NRSN1: variants seen among roughly 807,000 people sequenced by gnomAD.
NRSN1 encodes neurensin 1.
A neutral mutation model predicts 17.3 loss-of-function variants in NRSN1; 14 were observed. The ratio of observed to expected loss-of-function variants is 0.81; its 90% CI spans 0.54 to 1.27. NRSN1 has a LOEUF of 1.27. NRSN1 is among the 50% of genes most tolerant of loss of function. The pLI, the probability that NRSN1 is intolerant of heterozygous loss-of-function variation, is 0.00. For synonymous variants in NRSN1, 79 were observed against 94.2 expected (o/e 0.84, Z 0.93); for missense variants, 209 against 235.9 (o/e 0.89, Z 0.75).
At chr6:24,137,295 C>A (rs138173415) in intron 3 of NRSN1, among the ~76,000 whole-genome samples, 1 of 152,308 alleles carries the variant, frequency 6.6e-6, no homozygotes, top group East Asian at 1.9e-4. Flanking sequence ...ATCTGCATAA[C>A]ATCTATTTCA....
At chr6:24,142,475 C>T (rs1225663592) in intron 3 of NRSN1, among the ~76,000 whole-genome samples, 7 of 151,744 alleles carry the variant, frequency 4.6e-5, no homozygotes, top group East Asian at 1.9e-4. Flanking sequence ...CTTTTTTTCC[C>T]GAGACAGAGT....
chr6:24,136,326 T>C (rs1196016096), intron 3 of NRSN1, among the ~76,000 whole-genome samples: 2 of 152,256 alleles, frequency 1.3e-5, no homozygotes, highest in Non-Finnish European at 2.9e-5. Context: ...AAGTATTAAG[T>C]AACACAGTTG....
At chr6:24,136,568 C>A (rs1340623289) in intron 3 of NRSN1, among the ~76,000 whole-genome samples, 1 of 151,480 alleles carries the variant, frequency 6.6e-6, no homozygotes. Flanking sequence ...ATTTGCCTGA[C>A]AGATCTGTTG....
chr6:24,140,789 G>A lies in NRSN1; in HGVS notation c.190-4759G>A, dbSNP rs774225831. The A allele has an allele frequency of 6.5e-4, 771 of 1,183,486 alleles. 1 individual carries two copies. Among genetic ancestry groups the A allele is most frequent in the Middle Eastern group, 9.0e-4 (3 of 3,350 alleles). The allele number at this position is 1,183,486 out of a possible 1,614,324, so 73.3% of individuals were successfully genotyped here. Reference sequence around the variant, plus strand: ...CTATTGGAGTAAACTGCATTTTCAGGCCTCATCAGCTCACTGGGAAACAAT... The same window carrying A: ...CTATTGGAGTAAACTGCATTTTCAGACCTCATCAGCTCACTGGGAAACAAT... On this transcript the variant is annotated intron_variant, in intron 3 of 3. Coordinates refer to ENST00000378491, the MANE Select transcript of NRSN1 (RefSeq NM_080723.5).
At chr6:24,128,101 T>C (rs890592056) in intron 1 of NRSN1, 27 bp from the exon 2 acceptor site, 1 of 152,202 alleles carries the variant, frequency 6.6e-6, no homozygotes, top group Non-Finnish European at 1.5e-5. Flanking sequence ...CTGGATTACA[T>C]TCTGCAGAGA....
rs77454689 is a variant in NRSN1 at position 24,138,431 on chromosome 6, C to T, written c.189+3915C>T. 2.5e-3 allele frequency among the ~76,000 whole-genome samples: 378 copies of T among 152,266 alleles called. 22 individuals carry two copies. The East Asian group carries it at 0.067, about 27-fold the overall frequency. ...AAGGCTGTTGCCACTTGATTGTCCA[C>T]GCAGCAAACAGCGTCATATGTAGGT... On this transcript the variant is annotated intron_variant, in intron 3 of 3. Transcript: ENST00000378491.
rs758575732 is a variant in NRSN1, at chr6:24,145,549, T to C, written c.191T>C (p.Val64Ala). ...GCTTCTGTCATTATCTACCTGTAGGTTGGACTCATCTCAGGTACAGTTTTT... is the reference window on the plus strand; with the variant it reads ...GCTTCTGTCATTATCTACCTGTAGGCTGGACTCATCTCAGGTACAGTTTTT... ...PNRWSSVFWK[V>A]GLISGTVFVI... Residue 64 changes from valine (V) to alanine (A), a missense_variant and splice_region_variant, in exon 4 of 4, where the codon GTT becomes GCT. By Grantham distance (64) the Val-to-Ala change is moderately conservative (BLOSUM62 0). Coordinates refer to ENST00000378491, the MANE Select transcript of NRSN1 (RefSeq NM_080723.5). The surrounding 1 kb of genome is among the most constrained non-coding windows in gnomAD (Gnocchi z 4.4). 24 of 1,580,140 alleles carry C rather than the reference T, an allele frequency of 1.5e-5. No individual in the cohort carries two copies. Among genetic ancestry groups the C allele is most frequent in the Non-Finnish European group, 1.9e-5 (22 of 1,160,414 alleles).
At chr6:24,134,042 T>TGTGTGTGTGTGTGTGTGTG (rs1554140179) in intron 2 of NRSN1, among the ~76,000 whole-genome samples, 1 of 47,216 alleles carries the variant, frequency 2.1e-5, no homozygotes, top group Non-Finnish European at 4.6e-5. Context: ...GTGTGTGTGT[T>TGTGTGTGTGTGTGTGTGTG]TTTAGTAGAG....
chr6:24,142,903 AT>A (rs776391274), intron 3 of NRSN1, among the ~76,000 whole-genome samples: 5 of 152,048 alleles, frequency 3.3e-5, no homozygotes, highest in Non-Finnish European at 7.4e-5. Context: ...TTATATCCTT[AT>A]TTGGCCCCGC....
At chr6:24,139,984 A>G (rs1760176945) in intron 3 of NRSN1, among the ~76,000 whole-genome samples, 1 of 152,234 alleles carries the variant, frequency 6.6e-6, no homozygotes, top group Non-Finnish European at 1.5e-5. Flanking sequence ...AACATCCAGC[A>G]AAGCAGGTTG....
At chr6:24,141,818 T>C (rs964730101) in intron 3 of NRSN1, among the ~76,000 whole-genome samples, 1 of 152,142 alleles carries the variant, frequency 6.6e-6, no homozygotes, top group African/African-American at 2.4e-5. Flanking sequence ...GGCAGGACGG[T>C]TTATTGAGTG....
At chr6:24,141,372 C>A in intron 3 of NRSN1, 1 of 593,782 alleles carries the variant, frequency 1.7e-6, no homozygotes, top group Non-Finnish European at 2.4e-6. Flanking sequence ...CTGCTCTCCT[C>A]ACCTCCCATA....
At chr6:24,141,007 C>T (rs1446092731) in intron 3 of NRSN1, 16 of 1,467,952 alleles carry the variant, frequency 1.1e-5, no homozygotes, top group Admixed American at 2.4e-5. Flanking sequence ...GCTGCTGTTT[C>T]GGGAGTTTGT....
At position 24,145,882 on chromosome 6, in the gene NRSN1, G is replaced by A. The variant is rs748083504; in HGVS notation, c.524G>A (p.Gly175Glu). The A allele has an allele frequency of 2.5e-6, 4 of 1,614,006 alleles. No individual in the cohort carries two copies. The East Asian group carries it at 6.7e-5, about 27-fold the overall frequency. Reference sequence around the variant, plus strand: ...CCGGTTACAAAAGCTCCAGGGCCAGGGGAAACAAAGATTCCAGTCACTTTG... The same window carrying A: ...CCGGTTACAAAAGCTCCAGGGCCAGAGGAAACAAAGATTCCAGTCACTTTG... ...TQPVTKAPGPGETKIPVTLSR... is the reference protein window; with the variant it reads ...TQPVTKAPGPEETKIPVTLSR... The change falls in exon 4 of 4, where the codon GGG (glycine) becomes GAG (glutamate). Residue 175 changes from glycine (G) to glutamate (E), a missense_variant. By Grantham distance (98) the Gly-to-Glu change is moderately conservative (BLOSUM62 -2). Coordinates refer to ENST00000378491, the MANE Select transcript of NRSN1 (RefSeq NM_080723.5). The surrounding 1 kb of genome is among the most constrained non-coding windows in gnomAD (Gnocchi z 4.4).
intron 3 of NRSN1, among the ~76,000 whole-genome samples, chr6:24,142,539 A>G (rs538710587): frequency 1.3e-5 from 2 of 151,774 alleles, no homozygotes; most frequent in East Asian, 3.9e-4. Flanking sequence ...GCTCACTGCA[A>G]CCTCCACCCA....
At chr6:24,142,826 A>C (rs1760235074) in intron 3 of NRSN1, among the ~76,000 whole-genome samples, 2 of 152,160 alleles carry the variant, frequency 1.3e-5, no homozygotes, top group Non-Finnish European at 2.9e-5. Flanking sequence ...AGAGCGAAAG[A>C]ACAAAGCTTC....
chr6:24,138,064 A>G (rs1760143966), intron 3 of NRSN1, among the ~76,000 whole-genome samples: 1 of 152,194 alleles, frequency 6.6e-6, no homozygotes, highest in African/African-American at 2.4e-5. Context: ...AGACTCTGAA[A>G]GGCCATGTAA....
In NRSN1 at chr6:24,131,824, T is replaced by C. The variant is rs1012763470; in HGVS notation, c.-9-2495T>C. 5.3e-5 allele frequency among the ~76,000 whole-genome samples: 8 copies of C among 152,262 alleles called. No homozygotes were observed. In the South Asian group the frequency reaches 1.7e-3, roughly 31 times the overall value. ...AGTGCTTAAAATATTAAAACTAGGT[T>C]AATATTCTTTTGATCTGCCAGATTT... On this transcript the variant is annotated intron_variant, in intron 2 of 3. Coordinates refer to ENST00000378491, the MANE Select transcript of NRSN1 (RefSeq NM_080723.5).
intron 3 of NRSN1, among the ~76,000 whole-genome samples, chr6:24,142,191 CTTTTTT>C (rs751168423): frequency 9.0e-5 from 4 of 44,458 alleles, no homozygotes; most frequent in African/African-American, 3.0e-4. Flanking sequence ...TACAGAACAG[CTTTTTT>C]TTTTTTTTTT....
Sources: gnomAD v4.1 joint callset for allele counts (sites outside exome capture counted in the v4.1 genomes callset) on GRCh38, gnomAD v4.1.1 for gene constraint, Gnocchi (gnomAD v3.1) non-coding constraint, MANE v1.5 for transcripts, NCBI Gene and HGNC (gene_info 2026-07-23, HGNC 2026-07-21) for gene names.